Variants in SAMMSON observed in about 807,000 individuals in gnomAD.
SAMMSON encodes the protein long intergenic non-protein coding RNA 1212.
intron 4 of SAMMSON, among the ~76,000 whole-genome samples, chr3:70,189,830 C>T (rs1701118333): frequency 6.6e-6 from 1 of 152,156 alleles, no homozygotes; most frequent in Admixed American, 6.5e-5. Context: ...GATTTAGCAT[C>T]TCTGGAAATT....
At chr3:70,418,479 C>T (rs1701282884) in intron 2 of SAMMSON, among the ~76,000 whole-genome samples, 1 of 152,192 alleles carries the variant, frequency 6.6e-6, no homozygotes, top group African/African-American at 2.4e-5. Context: ...AAATCCAGCC[C>T]ATCCTGAGTT....
chr3:70,351,121 T>A (rs766351164), intron 7 of SAMMSON, among the ~76,000 whole-genome samples: 12 of 152,052 alleles, frequency 7.9e-5, no homozygotes, highest in Non-Finnish European at 1.3e-4. Flanking sequence ...TTGAGACAGA[T>A]TTGAATTTCA....
intron 3 of SAMMSON, among the ~76,000 whole-genome samples, chr3:70,037,597 T>C (rs1025629166): frequency 6.6e-6 from 1 of 152,196 alleles, no homozygotes; most frequent in African/African-American, 2.4e-5. Context: ...TTCCCAGTTA[T>C]GTGAGCCATT....
At chr3:70,242,223 T>G (rs1020935708) in intron 4 of SAMMSON, among the ~76,000 whole-genome samples, 4 of 152,158 alleles carry the variant, frequency 2.6e-5, no homozygotes, top group African/African-American at 9.7e-5. Context: ...ATATGACACA[T>G]CATTTCATTC....
At chr3:70,324,874 T>C (rs1346848035) in intron 7 of SAMMSON, among the ~76,000 whole-genome samples, 3 of 151,920 alleles carry the variant, frequency 2.0e-5, no homozygotes, top group African/African-American at 7.3e-5. Context: ...CTCCATTCCT[T>C]TTCTTTCTTC....
At chr3:70,044,043 G>A (rs1576106685) in intron 3 of SAMMSON, among the ~76,000 whole-genome samples, 1 of 151,930 alleles carries the variant, frequency 6.6e-6, no homozygotes, top group East Asian at 1.9e-4. Context: ...ATATTCCTAC[G>A]AATTTTGGCA....
intron 2 of SAMMSON, among the ~76,000 whole-genome samples, chr3:70,431,980 A>G (rs187316536): frequency 1.2e-3 from 177 of 151,942 alleles, no homozygotes; most frequent in Non-Finnish European, 2.5e-4. Context: ...CAAATTGAGC[A>G]TATTTTGTTT....
At chr3:70,065,530 G>GA (rs201666013) in intron 3 of SAMMSON, among the ~76,000 whole-genome samples, 210 of 150,492 alleles carry the variant, frequency 1.4e-3, no homozygotes, top group African/African-American at 4.7e-3. Flanking sequence ...GTTTTTTTTA[G>GA]AAAAAAAAAT....
chr3:70,216,283 T>G (rs1345689965), intron 4 of SAMMSON, among the ~76,000 whole-genome samples: 1 of 150,310 alleles, frequency 6.7e-6, no homozygotes, highest in East Asian at 1.9e-4. Context: ...ACTATTCTAA[T>G]TAGATATCTG....
intron 9 of SAMMSON, among the ~76,000 whole-genome samples, chr3:70,371,030 A>T (rs537654876): frequency 6.6e-5 from 10 of 152,028 alleles, no homozygotes; most frequent in Non-Finnish European, 1.5e-4. Flanking sequence ...ATTTTTCTGC[A>T]TGTTGCTATG....
At chr3:70,101,768 A>G (rs1331727680) in intron 4 of SAMMSON, among the ~76,000 whole-genome samples, 4 of 152,180 alleles carry the variant, frequency 2.6e-5, no homozygotes, top group African/African-American at 9.6e-5. Context: ...TTGACTCGTA[A>G]GGAAACAGAC....
At chr3:70,191,515 G>A (rs1024322853) in intron 4 of SAMMSON, among the ~76,000 whole-genome samples, 2 of 152,140 alleles carry the variant, frequency 1.3e-5, no homozygotes. Context: ...GATAAATGAG[G>A]CAAAGCTACT....
intron 4 of SAMMSON, among the ~76,000 whole-genome samples, chr3:70,219,131 G>A (rs1241527046): frequency 6.6e-6 from 1 of 152,142 alleles, no homozygotes; most frequent in Non-Finnish European, 1.5e-5. Context: ...CTGCATCACA[G>A]TCCTTGAAAC....
At chr3:70,004,044 C>A (rs968227238) in intron 1 of SAMMSON, among the ~76,000 whole-genome samples, 1 of 151,264 alleles carries the variant, frequency 6.6e-6, no homozygotes, top group South Asian at 2.1e-4. Context: ...TGTCTTTTTG[C>A]AGGAGAGGAG....
chr3:70,402,777 A>G (rs1481794921), intron 2 of SAMMSON, among the ~76,000 whole-genome samples: 1 of 151,962 alleles, frequency 6.6e-6, no homozygotes, highest in Admixed American at 6.6e-5. Context: ...CAGGAGTATC[A>G]CTCAAACCCA....
At chr3:70,112,670 A>G (rs2067394538) in intron 4 of SAMMSON, among the ~76,000 whole-genome samples, 1 of 152,184 alleles carries the variant, frequency 6.6e-6, no homozygotes, top group Non-Finnish European at 1.5e-5. Flanking sequence ...AGCATGGTAA[A>G]AATCAATTAA....
intron 7 of SAMMSON, among the ~76,000 whole-genome samples, chr3:70,338,750 G>T (rs1031472063): frequency 6.6e-6 from 1 of 152,110 alleles, no homozygotes; most frequent in African/African-American, 2.4e-5. Context: ...GGAAATAAGA[G>T]AGGACACAAA....
intron 6 of SAMMSON, among the ~76,000 whole-genome samples, chr3:70,251,324 G>T (rs12486303): frequency 0.042 from 6,320 of 152,220 alleles, 255 homozygotes; most frequent in East Asian, 0.14. Context: ...GCAGTCTTCA[G>T]TCTTCATTTT....
intron 3 of SAMMSON, among the ~76,000 whole-genome samples, chr3:70,053,286 T>G (rs1043889950): frequency 2.5e-4 from 38 of 152,294 alleles, no homozygotes; most frequent in Admixed American, 7.8e-4. Flanking sequence ...CATTAACCAC[T>G]GCTCACTGAT....
Sources: allele counts gnomAD v4.1 joint callset (sites outside exome capture counted in the v4.1 genomes callset), GRCh38; gene constraint gnomAD v4.1.1; transcripts MANE v1.5; gene names NCBI Gene and HGNC (gene_info 2026-07-23, HGNC 2026-07-21).